CNTNAP5: variants seen among roughly 807,000 people sequenced by gnomAD.
CNTNAP5 encodes contactin-associated protein-like 5.
Under a neutral mutation model 150.2 loss-of-function variants are expected in CNTNAP5, and 72 were observed. The ratio of observed to expected loss-of-function variants is 0.48; its 90% CI spans 0.40 to 0.58. CNTNAP5 has a LOEUF of 0.58. CNTNAP5 is among the 20% of genes least tolerant of loss of function. The pLI is 0.00. For missense variants in CNTNAP5, 1,636 were observed against 1,626.2 expected, an observed-to-expected ratio of 1.01 and a Z score of -0.10; for synonymous variants, 672 against 619.8, an observed-to-expected ratio of 1.08 and a Z score of -1.25.
chr2:124,804,516 C>T (rs1401428944), intron 19 of CNTNAP5, among the ~76,000 whole-genome samples: 3 of 152,130 alleles, frequency 2.0e-5, no homozygotes, highest in Non-Finnish European at 2.9e-5. Flanking sequence ...TTTGGAGTAA[C>T]AGGGTAATTA....
intron 1 of CNTNAP5, among the ~76,000 whole-genome samples, chr2:124,163,553 G>A (rs1392346169): frequency 2.0e-5 from 3 of 151,988 alleles, no homozygotes; most frequent in African/African-American, 7.2e-5. Flanking sequence ...ACATGAAATT[G>A]AACAACAAAA....
chr2:124,031,614 A>C (rs143765999), intron 1 of CNTNAP5, among the ~76,000 whole-genome samples: 22 of 152,264 alleles, frequency 1.4e-4, no homozygotes, highest in African/African-American at 5.1e-4. Context: ...TATGTATCAC[A>C]TGGCCATTTG....
Position 124,354,228 on chromosome 2 carries a change from T to A in CNTNAP5, c.382-63215T>A, listed in dbSNP as rs1240870579. ...TGTTTGAGGCAGTAAAAGACACAAA[T>A]AACACTGCGGATGTTTTTAAAAAGG... On this transcript the variant is annotated intron_variant, in intron 3 of 23. Transcript: ENST00000682447. Among the ~76,000 whole-genome samples the A allele has an allele frequency of 3.3e-5, 5 of 152,102 alleles. No individual in the cohort carries two copies. In the East Asian group the frequency reaches 7.7e-4, roughly 23 times the overall value.
chr2:124,647,832 C>G lies in CNTNAP5; in HGVS notation c.1951C>G (p.Pro651Ala). The G allele has an allele frequency of 6.2e-7, 1 of 1,613,540 alleles. No homozygotes were observed. Among genetic ancestry groups the G allele is most frequent in the Non-Finnish European group, 8.5e-7 (1 of 1,179,702 alleles). Residue 651 changes from proline to alanine, a missense_variant, in exon 13 of 24, where the codon CCC becomes GCC. Transcript: ENST00000682447. ...TRVRGANPEK[P>A]YAMALDYGGS... ...AGTGCGGGGCGCTAACCCTGAGAAG[C>G]CCTATGCCATGGCCTTGGACTACGG...
intron 8 of CNTNAP5, among the ~76,000 whole-genome samples, chr2:124,505,398 G>C (rs1487237467): frequency 1.3e-5 from 2 of 152,048 alleles, no homozygotes; most frequent in South Asian, 2.1e-4. Context: ...ATGGAAGTTT[G>C]TATAACCCCT....
intron 12 of CNTNAP5, among the ~76,000 whole-genome samples, chr2:124,628,261 A>G (rs951160895): frequency 6.6e-6 from 1 of 152,158 alleles, no homozygotes; most frequent in Non-Finnish European, 1.5e-5. Flanking sequence ...GGACATAATC[A>G]TCAGATTCTC....
At chr2:124,039,599 TG>T (rs1343973926) in intron 1 of CNTNAP5, among the ~76,000 whole-genome samples, 3 of 152,194 alleles carry the variant, frequency 2.0e-5, no homozygotes, top group African/African-American at 7.2e-5. Flanking sequence ...GTCACACACC[TG>T]GATTCAGTCT....
chr2:124,707,922 C>A (rs1679726210), intron 13 of CNTNAP5, among the ~76,000 whole-genome samples: 1 of 152,096 alleles, frequency 6.6e-6, no homozygotes, highest in African/African-American at 2.4e-5. Context: ...TATATACAAG[C>A]AATGCTTCCA....
intron 19 of CNTNAP5, among the ~76,000 whole-genome samples, chr2:124,859,311 C>T (rs1037822477): frequency 2.7e-4 from 41 of 152,122 alleles, no homozygotes; most frequent in Non-Finnish European, 4.9e-4. Flanking sequence ...TGAAAAAATG[C>T]TCACCATCAC....
chr2:124,542,193 T>G (rs1452012729), intron 10 of CNTNAP5, among the ~76,000 whole-genome samples: 2 of 151,266 alleles, frequency 1.3e-5, no homozygotes, highest in Non-Finnish European at 2.9e-5. Context: ...GCTTGACTTT[T>G]GCAGTCTTCT....
chr2:124,786,404 AAGGAAGGAAGGAAG>A (rs1681585202), intron 17 of CNTNAP5, among the ~76,000 whole-genome samples: 91 of 92,324 alleles, frequency 9.9e-4, no homozygotes, highest in Middle Eastern at 4.8e-3. Context: ...AGAAAGAAGG[AAGGAAGGAAGGAAG>A]GAAGGAAGGA....
chr2:124,349,874 C>CTTTTTTTTTTTTTTTTT (rs70996061), intron 3 of CNTNAP5, among the ~76,000 whole-genome samples: 5 of 81,840 alleles, frequency 6.1e-5, no homozygotes, highest in African/African-American at 1.5e-4. Flanking sequence ...CTGGCTATTT[C>CTTTTTTTTTTTTTTTTT]TTTTTTTTTT....
intron 6 of CNTNAP5, among the ~76,000 whole-genome samples, chr2:124,472,293 A>G (rs927919900): frequency 1.3e-5 from 2 of 152,072 alleles, no homozygotes; most frequent in African/African-American, 2.4e-5. Flanking sequence ...CTTATTTAAA[A>G]TAAATAAATA....
At chr2:124,117,946 T>C (rs796124840) in intron 1 of CNTNAP5, among the ~76,000 whole-genome samples, 4 of 152,134 alleles carry the variant, frequency 2.6e-5, no homozygotes, top group African/African-American at 9.6e-5. Flanking sequence ...ATTAGCTAGG[T>C]ATGGTGGCAT....
intron 1 of CNTNAP5, among the ~76,000 whole-genome samples, chr2:124,199,308 T>A (rs1456212089): frequency 2.0e-5 from 3 of 152,040 alleles, no homozygotes; most frequent in Admixed American, 1.3e-4. Context: ...TGGTATTGAG[T>A]CTTTCTAGGA....
intron 1 of CNTNAP5, among the ~76,000 whole-genome samples, chr2:124,181,529 A>G (rs1348059502): frequency 6.6e-6 from 1 of 151,922 alleles, no homozygotes; most frequent in Non-Finnish European, 1.5e-5. Flanking sequence ...TTTTTATTCT[A>G]TATCTAATGA....
chr2:124,666,378 A>AGTGACTTGTAGAGGTGT (rs1224632183), intron 13 of CNTNAP5, among the ~76,000 whole-genome samples: 3 of 152,230 alleles, frequency 2.0e-5, no homozygotes, highest in Non-Finnish European at 2.9e-5. Context: ...ACTGGGTGAG[A>AGTGACTTGTAGAGGTGT]GTGACTTGTA....
intron 3 of CNTNAP5, among the ~76,000 whole-genome samples, chr2:124,391,367 T>C (rs1476687595): frequency 6.6e-6 from 1 of 152,096 alleles, no homozygotes; most frequent in African/African-American, 2.4e-5. Context: ...GAAGACACAA[T>C]GTGATCACAA....
intron 7 of CNTNAP5, among the ~76,000 whole-genome samples, chr2:124,481,597 T>C (rs1186903437): frequency 6.6e-6 from 1 of 152,206 alleles, no homozygotes; most frequent in Non-Finnish European, 1.5e-5. Flanking sequence ...GTATTTCATT[T>C]TCACACTTTA....
Sources: allele counts gnomAD v4.1 joint callset (sites outside exome capture counted in the v4.1 genomes callset), GRCh38; gene constraint gnomAD v4.1.1; transcripts MANE v1.5; gene names NCBI Gene and HGNC (gene_info 2026-07-23, HGNC 2026-07-21).